The following PTPN3 variants were observed in gnomAD, a reference collection of about 807,000 sequenced individuals.
PTPN3 encodes the protein protein tyrosine phosphatase non-receptor type 3.
PTPN3 carries 96 observed loss-of-function variants against 132.7 expected under a neutral mutation model. The ratio of observed to expected loss-of-function variants is 0.72; its 90% CI spans 0.61 to 0.86. The LOEUF is 0.86. PTPN3 is among the 40% of genes least tolerant of loss of function. PTPN3 has a pLI of 0.00. For missense variants in PTPN3, 1,125 were observed against 1,159.6 expected (o/e 0.97, Z 0.43); for synonymous variants, 398 against 429.0 (o/e 0.93, Z 0.89).
chr9:109,438,925 G>T (rs969832336), intron 7 of PTPN3, among the ~76,000 whole-genome samples: 4 of 152,182 alleles, frequency 2.6e-5, no homozygotes, highest in Admixed American at 2.6e-4. Flanking sequence ...GAGATTCTGG[G>T]GCTATCAGGG....
chr9:109,533,926 G>A, the PTPN3 span: 7 of 752,188 alleles, frequency 9.3e-6, no homozygotes, highest in African/African-American at 1.7e-5. Flanking sequence ...CATGTTTACT[G>A]CCTTGAACTG....
chr9:109,470,267 GAC>G (rs1164865608), intron 1 of PTPN3, among the ~76,000 whole-genome samples: 3 of 152,152 alleles, frequency 2.0e-5, no homozygotes, highest in Non-Finnish European at 4.4e-5. Flanking sequence ...CGTCACTGTA[GAC>G]ACACAGATGC....
At chr9:109,433,256 A>G (rs1843788176) in intron 9 of PTPN3, 95 bp from the exon 10 acceptor site, 3 of 1,509,842 alleles carry the variant, frequency 2.0e-6, no homozygotes, top group Non-Finnish European at 2.7e-6. Context: ...AAATAGTCAT[A>G]TGTATAGGCT....
chr9:109,534,344 T>C, the PTPN3 span: 2 of 1,511,384 alleles, frequency 1.3e-6, no homozygotes, highest in Non-Finnish European at 1.8e-6. Context: ...GTTGTGGTGA[T>C]GGTGACTGGG....
In PTPN3 at chr9:109,381,699, T is replaced by C. The variant is rs1337857096; in HGVS notation, c.2617A>G (p.Ile873Val). Reference sequence around the variant, plus strand: ...CGCTGGTCTCGCATTTTTCGGACAATATCCAGTGGGTAAATGGGCAGGTTC... The same window carrying C: ...CGCTGGTCTCGCATTTTTCGGACAACATCCAGTGGGTAAATGGGCAGGTTC... The part of the protein sequence containing the change: ...ERNLPIYPLD[I>V]VRKMRDQRAM... Residue 873 changes from isoleucine (I) to valine (V), a missense_variant, in exon 25 of 26, where the codon ATT (isoleucine) becomes GTT (valine). By Grantham distance (29) the Ile-to-Val change is conservative (BLOSUM62 3). Transcript: ENST00000374541. 3 of 1,614,054 alleles carry C rather than the reference T, an allele frequency of 1.9e-6. No individual in the cohort carries two copies. Among genetic ancestry groups the C allele is most frequent in the African/African-American group, 1.3e-5 (1 of 74,938 alleles).
upstream of PTPN3, among the ~76,000 whole-genome samples, chr9:109,499,749 C>T (rs1287652560): frequency 6.6e-6 from 1 of 152,218 alleles, no homozygotes; most frequent in Non-Finnish European, 1.5e-5. Flanking sequence ...GTCCCGGAGT[C>T]GCACGTCCCG....
chr9:109,527,458 CTAAATAAATAAG>C, the PTPN3 span, among the ~76,000 whole-genome samples: 1 of 151,550 alleles, frequency 6.6e-6, no homozygotes, highest in East Asian at 1.9e-4. Flanking sequence ...GAGACACTGT[CTAAATAAATAAG>C]TAAATAAATA....
the PTPN3 span, among the ~76,000 whole-genome samples, chr9:109,507,776 C>T: frequency 7.2e-5 from 11 of 152,184 alleles, no homozygotes; most frequent in African/African-American, 2.2e-4. Flanking sequence ...AGCAGTGCTC[C>T]GGGACTCACT....
intron 21 of PTPN3, among the ~76,000 whole-genome samples, chr9:109,390,888 AAC>A (rs1443282827): frequency 1.3e-5 from 2 of 152,216 alleles, no homozygotes; most frequent in Admixed American, 6.5e-5. Flanking sequence ...TTGAATTAGA[AAC>A]ACAGAACAAG....
chr9:109,430,514 G>T (rs543630282), intron 10 of PTPN3, among the ~76,000 whole-genome samples: 4 of 151,512 alleles, frequency 2.6e-5, no homozygotes, highest in South Asian at 2.1e-4. Flanking sequence ...CCTCAGCGGG[G>T]CTCCCTACTG....
At chr9:109,514,101 C>T in the PTPN3 span, among the ~76,000 whole-genome samples, 174 of 152,260 alleles carry the variant, frequency 1.1e-3, no homozygotes, top group African/African-American at 3.9e-3. Context: ...AAAGAAATGA[C>T]GTGTTCTCTC....
At chr9:109,516,858 TCC>T in the PTPN3 span, among the ~76,000 whole-genome samples, 1 of 152,068 alleles carries the variant, frequency 6.6e-6, no homozygotes, top group African/African-American at 2.4e-5. Flanking sequence ...ATGGGAGAGC[TCC>T]CAGGTTTCTA....
Position 109,422,480 on chromosome 9 carries a change from T to C in PTPN3, c.1136+238A>G, listed in dbSNP as rs111278701. On this transcript the variant is annotated intron_variant, in intron 13 of 25. Transcript: ENST00000374541. ...AAGGAGGCCTTTCAGCAGGCTCGAG[T>C]TTCCCAAACTATTTAGATTGAATAA... Among the ~76,000 whole-genome samples, 1,135 of 152,270 alleles carry C rather than the reference T, an allele frequency of 7.5e-3. 11 individuals are homozygous for C. The highest frequency in any genetic ancestry group is 0.026 in the African/African-American group (1,073 of 41,552).
At chr9:109,395,139 C>G (rs1383189238) in intron 19 of PTPN3, among the ~76,000 whole-genome samples, 1 of 128,356 alleles carries the variant, frequency 7.8e-6, no homozygotes. Flanking sequence ...GACTCCATCT[C>G]AATTTAAAAA....
At chr9:109,533,673 C>A in the PTPN3 span, 4 of 1,485,022 alleles carry the variant, frequency 2.7e-6, no homozygotes, top group African/African-American at 4.2e-5. Flanking sequence ...TTGTCAGCAC[C>A]CTCCATCACT....
intron 7 of PTPN3, among the ~76,000 whole-genome samples, chr9:109,442,620 G>A (rs901364959): frequency 6.6e-6 from 1 of 152,186 alleles, no homozygotes; most frequent in Non-Finnish European, 1.5e-5. Context: ...ACTCTAAATA[G>A]AATTTACTGT....
intron 1 of PTPN3, among the ~76,000 whole-genome samples, chr9:109,487,351 C>A (rs1847260738): frequency 6.6e-6 from 1 of 152,326 alleles, no homozygotes; most frequent in South Asian, 2.1e-4. Context: ...GCCCCCCTGG[C>A]CGCAAAGCGC....
At chr9:109,528,678 C>A in the PTPN3 span, among the ~76,000 whole-genome samples, 3 of 151,756 alleles carry the variant, frequency 2.0e-5, no homozygotes, top group South Asian at 6.3e-4. Context: ...CACTGAGCTG[C>A]GCTGTTCATG....
At chr9:109,521,306 G>T in the PTPN3 span, among the ~76,000 whole-genome samples, 2 of 151,864 alleles carry the variant, frequency 1.3e-5, no homozygotes, top group African/African-American at 2.4e-5. Context: ...CCACAGGTGC[G>T]CACCCCCACA....
Sources: gnomAD v4.1 joint callset for allele counts (sites outside exome capture counted in the v4.1 genomes callset) on GRCh38, gnomAD v4.1.1 for gene constraint, MANE v1.5 for transcripts, NCBI Gene and HGNC (gene_info 2026-07-23, HGNC 2026-07-21) for gene names.